The following PCDH11X variants were observed in gnomAD, a reference collection of about 807,000 sequenced individuals.
PCDH11X encodes protocadherin-11 X-linked.
PCDH11X carries 18 observed loss-of-function variants against 53.3 expected under a neutral mutation model. The ratio of observed to expected loss-of-function variants is 0.34; its 90% CI spans 0.23 to 0.50. The LOEUF (loss-of-function observed/expected upper bound fraction) is 0.50. Ranked by LOEUF, PCDH11X falls within the 20% of genes least tolerant of loss-of-function variation. The pLI is 0.98. For synonymous variants in PCDH11X, 279 were observed against 393.3 expected (o/e 0.71, Z 3.44); for missense variants, 570 against 1,032.4 (o/e 0.55, Z 6.14).
intron 6 of PCDH11X, among the ~76,000 whole-genome samples, chrX:92,034,019 A>T (rs993533820): frequency 1.8e-5 from 2 of 109,787 alleles, no homozygotes; most frequent in African/African-American, 6.6e-5. Context: ...CTCACTGGTA[A>T]TTCAGCATTT....
intron 7 of PCDH11X, among the ~76,000 whole-genome samples, chrX:92,247,569 C>T (rs1310074998): frequency 2.7e-5 from 3 of 111,270 alleles, no homozygotes; most frequent in Non-Finnish European, 5.7e-5. Flanking sequence ...GAGCCGTGCT[C>T]CCTCTGAAAG....
chrX:91,785,292 C>T (rs1328662133), intron 1 of PCDH11X, among the ~76,000 whole-genome samples: 1 of 106,090 alleles, frequency 9.4e-6, no homozygotes, highest in African/African-American at 3.5e-5. Flanking sequence ...AAGGGACCCC[C>T]CTCAGCAGAC....
chrX:92,237,922 C>T lies in PCDH11X; in HGVS notation c.3115-25192C>T, dbSNP rs183008876. On this transcript the variant is annotated intron_variant, in intron 7 of 10. Coordinates refer to ENST00000682573, the MANE Select transcript of PCDH11X (RefSeq NM_032968.5). ...AGCCTCAGGGCAGTCAGGAATTTACCTACTAATGGCATTAATCTGTGATAG... is the reference window on the plus strand; with the variant it reads ...AGCCTCAGGGCAGTCAGGAATTTACTTACTAATGGCATTAATCTGTGATAG... 2.0e-3 allele frequency among the ~76,000 whole-genome samples: 224 copies of T among 111,812 alleles called. 1 individual carries two copies. The highest frequency in any genetic ancestry group is 7.0e-3 in the African/African-American group (216 of 30,918).
At chrX:92,568,690 G>A (rs1051484647) in intron 10 of PCDH11X, among the ~76,000 whole-genome samples, 4 of 109,913 alleles carry the variant, frequency 3.6e-5, no homozygotes, top group African/African-American at 9.9e-5. Context: ...TTCACTGCCA[G>A]CATCACTTTA....
At chrX:92,436,829 G>A (rs2072386655) in intron 9 of PCDH11X, among the ~76,000 whole-genome samples, 1 of 109,868 alleles carries the variant, frequency 9.1e-6, no homozygotes, top group South Asian at 3.9e-4. Flanking sequence ...GTGGAGTTTT[G>A]GAGGAGGGAG....
At chrX:92,248,675 T>A (rs2067398705) in intron 7 of PCDH11X, among the ~76,000 whole-genome samples, 1 of 111,465 alleles carries the variant, frequency 9.0e-6, no homozygotes, top group Non-Finnish European at 1.9e-5. Context: ...ATTGAAGGAA[T>A]AAGTTTTAGT....
chrX:92,517,768 A>T (rs2074294725), intron 10 of PCDH11X, among the ~76,000 whole-genome samples: 2 of 110,789 alleles, frequency 1.8e-5, no homozygotes, highest in South Asian at 7.7e-4. Flanking sequence ...TTCTCTTCCC[A>T]GCTTCACTTC....
At chrX:92,024,703 C>A (rs1602703508) in intron 6 of PCDH11X, among the ~76,000 whole-genome samples, 1 of 53,652 alleles carries the variant, frequency 1.9e-5, no homozygotes, top group Non-Finnish European at 3.7e-5. Flanking sequence ...CCCTTATAGC[C>A]AAGACAATCC....
At chrX:92,618,203 T>A (rs755554304) in intron 10 of PCDH11X, 61 bp from the exon 11 acceptor site, 1 of 1,153,339 alleles carries the variant, frequency 8.7e-7, no homozygotes, top group African/African-American at 1.8e-5. Flanking sequence ...GATATTTAAG[T>A]GGCTAATAAA....
intron 10 of PCDH11X, among the ~76,000 whole-genome samples, chrX:92,503,092 A>G (rs751855220): frequency 9.0e-6 from 1 of 111,133 alleles, no homozygotes; most frequent in South Asian, 3.8e-4. Context: ...TCTCAAAAGA[A>G]GACATACATG....
At chrX:92,113,393 T>A (rs1177751868) in intron 6 of PCDH11X, 21 of 1,201,894 alleles carry the variant, frequency 1.7e-5, no homozygotes, top group Non-Finnish European at 2.3e-5. Context: ...ATTCTGTGGA[T>A]ATAGTTTTCC....
intron 5 of PCDH11X, among the ~76,000 whole-genome samples, chrX:91,861,479 G>A (rs1341107357): frequency 1.8e-5 from 2 of 109,283 alleles, no homozygotes; most frequent in Admixed American, 1.9e-4. Context: ...GCCACAGTCT[G>A]TCACAGCCAC....
intron 9 of PCDH11X, among the ~76,000 whole-genome samples, chrX:92,464,318 G>A (rs2073113933): frequency 1.8e-5 from 2 of 110,935 alleles, no homozygotes; most frequent in Admixed American, 1.9e-4. Flanking sequence ...TGTCACAGGA[G>A]GGACCTGGTA....
intron 5 of PCDH11X, among the ~76,000 whole-genome samples, chrX:91,843,655 A>G (rs2189402): frequency 0.31 from 33,982 of 108,325 alleles, 4,841 homozygotes; most frequent in African/African-American, 0.5. Context: ...ATCTTAAATT[A>G]ATCATGCTGC....
intron 6 of PCDH11X, among the ~76,000 whole-genome samples, chrX:91,933,927 T>A (rs1398380795): frequency 9.1e-6 from 1 of 109,919 alleles, no homozygotes; most frequent in Non-Finnish European, 1.9e-5. Context: ...AAATAGGGTT[T>A]CTAAATGGAG....
At chrX:91,828,088 T>C (rs1322397853) in intron 4 of PCDH11X, among the ~76,000 whole-genome samples, 1 of 109,133 alleles carries the variant, frequency 9.2e-6, no homozygotes, top group Non-Finnish European at 1.9e-5. Flanking sequence ...ATTATACTTA[T>C]TAATGCAAAT....
chrX:92,322,866 C>T (rs1356170951), intron 8 of PCDH11X, among the ~76,000 whole-genome samples: 2 of 110,590 alleles, frequency 1.8e-5, no homozygotes, highest in African/African-American at 3.3e-5. Flanking sequence ...TTAATAAATG[C>T]TTTAGCTCTT....
At chrX:92,050,300 G>A (rs1182547265) in intron 6 of PCDH11X, among the ~76,000 whole-genome samples, 2 of 99,147 alleles carry the variant, frequency 2.0e-5, no homozygotes, top group African/African-American at 3.9e-5. Flanking sequence ...AGATAAGTTA[G>A]GTATGGATGT....
chrX:92,496,894 C>G (rs957243808), intron 10 of PCDH11X, among the ~76,000 whole-genome samples: 12 of 108,357 alleles, frequency 1.1e-4, no homozygotes, highest in African/African-American at 4.1e-4. Flanking sequence ...GTCATTAGCT[C>G]TAATTTTGAA....
Sources: allele counts gnomAD v4.1 joint callset (sites outside exome capture counted in the v4.1 genomes callset), GRCh38; gene constraint gnomAD v4.1.1; transcripts MANE v1.5; gene names NCBI Gene and HGNC (gene_info 2026-07-23, HGNC 2026-07-21).